GUCY2C: variants seen among roughly 807,000 people sequenced by gnomAD.
GUCY2C encodes guanylyl cyclase C.
GUCY2C carries 118 observed loss-of-function variants against 131.1 expected under a neutral mutation model. That is an observed-to-expected ratio of 0.90 (90% CI 0.78 to 1.05). GUCY2C has a LOEUF of 1.05. Ranked by LOEUF, GUCY2C falls within the 50% of genes least tolerant of loss-of-function variation. GUCY2C has a pLI of 0.00. For missense variants in GUCY2C, 1,161 were observed against 1,304.4 expected, an observed-to-expected ratio of 0.89 and a Z score of 1.69; for synonymous variants, 452 against 457.8, an observed-to-expected ratio of 0.99 and a Z score of 0.16.
intron 19 of GUCY2C, among the ~76,000 whole-genome samples, chr12:14,629,672 G>A (rs1947100703): frequency 6.6e-6 from 1 of 152,196 alleles, no homozygotes; most frequent in Non-Finnish European, 1.5e-5. Context: ...GGGGAACAAA[G>A]GCTCAGTGAA....
intron 12 of GUCY2C, among the ~76,000 whole-genome samples, chr12:14,654,112 T>G (rs1481130820): frequency 6.6e-6 from 1 of 152,236 alleles, no homozygotes; most frequent in Non-Finnish European, 1.5e-5. Context: ...CTTTTTACCC[T>G]CAAATGAATG....
At chr12:14,666,111 C>T (rs1435447200) in intron 10 of GUCY2C, 2 of 152,222 alleles carry the variant, frequency 1.3e-5, no homozygotes, top group African/African-American at 2.4e-5. Context: ...ATATAGGGCC[C>T]AGGGGATTGG....
At chr12:14,627,595 C>T (rs1242761220) in intron 20 of GUCY2C, among the ~76,000 whole-genome samples, 1 of 152,154 alleles carries the variant, frequency 6.6e-6, no homozygotes, top group Non-Finnish European at 1.5e-5. Flanking sequence ...ACATCAGCCT[C>T]TCTAGGGTAA....
At position 14,663,401 on chromosome 12, in the gene GUCY2C, C is replaced by G. The variant is rs1198180333; in HGVS notation, c.1283-2339G>C. On this transcript the variant is annotated intron_variant, in intron 10 of 26. Transcript: ENST00000261170. Reference sequence around the variant, plus strand: ...AGGTTCAAAGATTCTCCTGCCTCAGCCTCCCAAGTATCTGGGATTACAGGC... The same window carrying G: ...AGGTTCAAAGATTCTCCTGCCTCAGGCTCCCAAGTATCTGGGATTACAGGC... Among the ~76,000 whole-genome samples the G allele has an allele frequency of 2.0e-5, 3 of 152,234 alleles. No individual in the cohort carries two copies. In the East Asian group the frequency reaches 5.8e-4, roughly 29 times the overall value.
In GUCY2C at chr12:14,670,484, A is replaced by T. The variant is rs538755103; in HGVS notation, c.1171-651T>A. On this transcript the variant is annotated intron_variant, in intron 9 of 26. Coordinates refer to ENST00000261170, the MANE Select transcript of GUCY2C (RefSeq NM_004963.4). ...CCTTAAATTACTGCTGCATATATTG[A>T]GTCAATTTTGTAAGGGAGATCTGAA... Among the ~76,000 whole-genome samples the T allele has an allele frequency of 4.7e-4, 71 of 152,154 alleles. 1 individual carries two copies. The South Asian group carries it at 6.4e-3, about 14-fold the overall frequency.
In GUCY2C at chr12:14,674,773, G is replaced by A; in HGVS notation, c.949-13C>T. 1 of 1,589,262 alleles carries A rather than the reference G, an allele frequency of 6.3e-7. No individual in the cohort carries two copies. On this transcript the variant is annotated splice_polypyrimidine_tract_variant and intron_variant, in intron 7 of 26. Transcript: ENST00000261170. ...AGTCTCGTTTTGTCTAAATAAAAAAGGAAAATATTAAAACGGGTCCTTCAA... is the reference window on the plus strand; with the variant it reads ...AGTCTCGTTTTGTCTAAATAAAAAAAGAAAATATTAAAACGGGTCCTTCAA...
Position 14,622,025 on chromosome 12 carries a change from C to G in GUCY2C, c.2581G>C (p.Asp861His). Residue 861 changes from aspartate to histidine, a missense_variant, in exon 22 of 27, where the codon GAT becomes CAT. Transcript: ENST00000261170. ...DIYKSFDHIV[D>H]HHDVYKVETI... is the part of the protein sequence containing the mutation. ...GTTACCTTGTAGACATCATGATGAT[C>G]AACAATGTGGTCAAAACTCTTATAG... 1.2e-6 allele frequency: 2 copies of G among 1,604,242 alleles called. No homozygotes were observed. Among genetic ancestry groups the G allele is most frequent in the African/African-American group, 1.3e-5 (1 of 74,630 alleles).
At chr12:14,627,777 A>G (rs189531028) in intron 20 of GUCY2C, among the ~76,000 whole-genome samples, 362 of 152,288 alleles carry the variant, frequency 2.4e-3, no homozygotes, top group Non-Finnish European at 4.2e-3. Flanking sequence ...AGGAGAAAAA[A>G]AAAGGGCTAG....
chr12:14,670,270 AT>A (rs1359364445), intron 9 of GUCY2C, among the ~76,000 whole-genome samples: 1 of 152,218 alleles, frequency 6.6e-6, no homozygotes, highest in East Asian at 1.9e-4. Flanking sequence ...GCTAAAATCC[AT>A]TATGTCATTT....
At chr12:14,624,313 C>T (rs1189195979) in intron 21 of GUCY2C, among the ~76,000 whole-genome samples, 4 of 151,972 alleles carry the variant, frequency 2.6e-5, no homozygotes, top group South Asian at 4.1e-4. Flanking sequence ...TGGTGGCAGG[C>T]GCCTGTAATC....
chr12:14,628,797 A>G, intron 19 of GUCY2C, 60 bp from the exon 20 acceptor site: 1 of 859,390 alleles, frequency 1.2e-6, no homozygotes, highest in South Asian at 1.3e-5. Context: ...TCAAGAGAGA[A>G]TTCTTATTCT....
intron 5 of GUCY2C, 55 bp downstream of exon 5, chr12:14,681,301 G>C: frequency 6.7e-7 from 1 of 1,493,306 alleles, no homozygotes; most frequent in Admixed American, 1.7e-5. Flanking sequence ...TTATAAGGAG[G>C]TGGTAGTCAT....
chr12:14,634,210 C>T (rs941713809), intron 19 of GUCY2C, among the ~76,000 whole-genome samples: 2 of 152,100 alleles, frequency 1.3e-5, no homozygotes, highest in African/African-American at 4.8e-5. Context: ...CATTACAGGC[C>T]AGGAGAAAAG....
chr12:14,686,649 T>C (rs1948476436), intron 2 of GUCY2C, among the ~76,000 whole-genome samples: 1 of 152,232 alleles, frequency 6.6e-6, no homozygotes, highest in Non-Finnish European at 1.5e-5. Flanking sequence ...AGTAAAATGC[T>C]ATGCAATTGA....
At chr12:14,646,342 G>T (rs1947523264) in intron 15 of GUCY2C, among the ~76,000 whole-genome samples, 1 of 152,102 alleles carries the variant, frequency 6.6e-6, no homozygotes, top group African/African-American at 2.4e-5. Context: ...TCCAAGGAGG[G>T]GTCTAAAGTC....
intron 10 of GUCY2C, among the ~76,000 whole-genome samples, chr12:14,664,353 T>G (rs1447727365): frequency 6.6e-6 from 1 of 151,936 alleles, no homozygotes; most frequent in Non-Finnish European, 1.5e-5. Flanking sequence ...GTGTAGATAA[T>G]CCCACTCACT....
chr12:14,667,770 A>G (rs1292104127), intron 10 of GUCY2C, among the ~76,000 whole-genome samples: 5 of 152,172 alleles, frequency 3.3e-5, no homozygotes, highest in African/African-American at 1.2e-4. Context: ...AGCAAAAAAA[A>G]TCTTGCAGGA....
intron 21 of GUCY2C, among the ~76,000 whole-genome samples, chr12:14,625,428 C>T (rs925897149): frequency 6.6e-6 from 1 of 151,566 alleles, no homozygotes; most frequent in Non-Finnish European, 1.5e-5. Flanking sequence ...CTTGGGTTCA[C>T]TCCATTCTCC....
At chr12:14,665,052 A>G (rs1488836081) in intron 10 of GUCY2C, among the ~76,000 whole-genome samples, 1 of 152,056 alleles carries the variant, frequency 6.6e-6, no homozygotes, top group Non-Finnish European at 1.5e-5. Flanking sequence ...TCTCCACTAA[A>G]AACATAAAAA....
Sources: gnomAD v4.1 joint callset for allele counts (sites outside exome capture counted in the v4.1 genomes callset) on GRCh38, gnomAD v4.1.1 for gene constraint, MANE v1.5 for transcripts, NCBI Gene and HGNC (gene_info 2026-07-23, HGNC 2026-07-21) for gene names.